CIDEB: variants seen among roughly 807,000 people sequenced by gnomAD.
The protein encoded by CIDEB is lipid transferase CIDEB.
A neutral mutation model predicts 22.4 loss-of-function variants in CIDEB; 27 were observed. That is an observed-to-expected ratio of 1.21 (90% CI 0.89 to 1.66). CIDEB has a LOEUF of 1.66. Among genes scored for constraint, CIDEB ranks in the 40% most tolerant of loss-of-function variants. The pLI is 0.00. For synonymous variants in CIDEB, 103 were observed against 109.5 expected (o/e 0.94, Z 0.37); for missense variants, 289 against 268.7 (o/e 1.08, Z -0.53).
chr14:24,307,957 A>C lies in CIDEB; in HGVS notation c.-99T>G. ...TTTTCTGTTACAAACCTGGGATCTC[A>C]GCCCAGGACAAGGTGGGAATGAGTC... On this transcript the variant is annotated 5_prime_UTR_variant, in exon 1 of 5. Coordinates refer to ENST00000554411, the MANE Select transcript of CIDEB (RefSeq NM_001393339.1). 12 of 1,124,764 alleles carry C rather than the reference A, an allele frequency of 1.1e-5. No homozygotes were observed. Among genetic ancestry groups the C allele is most frequent in the Admixed American group, 2.0e-5 (1 of 50,174 alleles). 69.7% of individuals were successfully genotyped at this position (1,124,764 alleles called of 1,614,324 possible). A position where few individuals can be genotyped will look rare whatever the true frequency, so the allele number is the denominator to read the frequency against.
At chr14:24,310,391 CTT>C, upstream of CIDEB, 1 of 626,572 alleles carries the variant, frequency 1.6e-6, no homozygotes, top group Admixed American at 2.7e-5. Context: ...GGGGTGATGA[CTT>C]TATGCCTGTT....
At chr14:24,307,197 G>A in intron 2 of CIDEB, 174 bp downstream of exon 2, 1 of 636,610 alleles carries the variant, frequency 1.6e-6, no homozygotes, top group Non-Finnish European at 2.6e-6. Context: ...AGCTCACTCG[G>A]TGGAAAATGA....
chr14:24,310,922 C>T (rs776124024), upstream of CIDEB: 3 of 1,589,852 alleles, frequency 1.9e-6, no homozygotes, highest in Non-Finnish European at 2.6e-6. Context: ...CCCGGCAGGC[C>T]TGGCCGCTGG....
upstream of CIDEB, chr14:24,311,065 G>A (rs1325407950): frequency 1.3e-6 from 2 of 1,564,220 alleles, no homozygotes; most frequent in Non-Finnish European, 1.7e-6. Context: ...CGGCTGCGCA[G>A]CCCGGCCCTG....
upstream of CIDEB, chr14:24,311,256 C>A (rs772363797): frequency 1.2e-6 from 2 of 1,605,258 alleles, no homozygotes; most frequent in Non-Finnish European, 1.7e-6. Context: ...CGGGCTGATG[C>A]TCGGCTGCTA....
At chr14:24,306,218 T>TC in intron 3 of CIDEB, 81 bp from the exon 4 acceptor site, 4 of 1,536,164 alleles carry the variant, frequency 2.6e-6, no homozygotes, top group Non-Finnish European at 3.6e-6. Context: ...GGTCAGACCC[T>TC]CCCTCGCTTG....
In CIDEB at chr14:24,305,643, T is replaced by C. The variant is rs369064116; in HGVS notation, c.650A>G (p.His217Arg). Reference protein sequence around the residue: ...AEQWQQKGRLHSY With the variant: ...AEQWQQKGRLRSY ...GAAGCTCAGAGCCCCTTAGTAGGAATGGAGGCGGCCCTTCTGCTGCCACTG... is the reference window on the plus strand; with the variant it reads ...GAAGCTCAGAGCCCCTTAGTAGGAACGGAGGCGGCCCTTCTGCTGCCACTG... Residue 217 changes from histidine (H) to arginine (R), a missense_variant, in exon 5 of 5, where the codon CAT becomes CGT. Physicochemically the swap from His to Arg is conservative, Grantham distance 29. Transcript: ENST00000554411. 36 of 1,613,060 alleles carry C rather than the reference T, an allele frequency of 2.2e-5. No homozygotes were observed. The African/African-American group carries it at 4.3e-4, about 19-fold the overall frequency.
chr14:24,306,636 T>C, intron 2 of CIDEB, 113 bp from the exon 3 acceptor site: 3 of 1,375,922 alleles, frequency 2.2e-6, no homozygotes, highest in Non-Finnish European at 3.0e-6. Flanking sequence ...CCACTTTGAC[T>C]TTCCGGCACT....
chr14:24,305,313 G>A lies in CIDEB; in HGVS notation c.*320C>T. On this transcript the variant is annotated 3_prime_UTR_variant, in exon 5 of 5. Coordinates refer to ENST00000554411, the MANE Select transcript of CIDEB (RefSeq NM_001393339.1). ...CAGTATGCTGGGGAGTTTAGGGACA[G>A]GAGGCATTGGTAGGGGATTAGATGT... The A allele has an allele frequency of 1.8e-6, 1 of 570,024 alleles. No individual in the cohort carries two copies. 35.3% of individuals were successfully genotyped at this position (570,024 alleles called of 1,614,324 possible). A position where few individuals can be genotyped will look rare whatever the true frequency, so the allele number is the denominator to read the frequency against.
upstream of CIDEB, chr14:24,310,720 C>A: frequency 6.2e-7 from 1 of 1,612,440 alleles, no homozygotes; most frequent in Non-Finnish European, 8.5e-7. Flanking sequence ...TGGAAGACTT[C>A]GCGGGCCACA....
At chr14:24,311,236 TGCTTCCTTTCGG>T (rs1392961933), upstream of CIDEB, 1 of 1,608,630 alleles carries the variant, frequency 6.2e-7, no homozygotes, top group Non-Finnish European at 8.5e-7. Context: ...ACCGCTTTCG[TGCTTCCTTTCGG>T]GCTGATGCTC....
At chr14:24,310,963 T>C (rs1290566175), upstream of CIDEB, 3 of 1,591,822 alleles carry the variant, frequency 1.9e-6, no homozygotes. Flanking sequence ...GTGTACTACG[T>C]GTGCGCGCTC....
upstream of CIDEB, chr14:24,309,316 C>T (rs1435215736): frequency 1.3e-5 from 2 of 152,128 alleles, no homozygotes; most frequent in East Asian, 1.9e-4. Context: ...ACAGGATCAC[C>T]TGTACCCAAG....
At chr14:24,311,308 C>T (rs1159303888), upstream of CIDEB, 3 of 1,593,768 alleles carry the variant, frequency 1.9e-6, no homozygotes, top group Admixed American at 1.7e-5. Context: ...CGCTGGGGCT[C>T]CGGGCGGCAC....
chr14:24,310,153 C>G (rs1392149072), upstream of CIDEB: 2 of 235,116 alleles, frequency 8.5e-6, no homozygotes, highest in East Asian at 2.4e-4. Context: ...CTTGTCTTAC[C>G]CTCTGCAAAT....
chr14:24,307,208 A>G, intron 2 of CIDEB, 163 bp downstream of exon 2: 1 of 690,188 alleles, frequency 1.4e-6, no homozygotes, highest in Non-Finnish European at 2.4e-6. Flanking sequence ...TGGAAAATGA[A>G]CAAATTGACC....
Position 24,307,947 on chromosome 14 carries a change from C to G in CIDEB, c.-89G>C. ...TTTAGTGGTGTTTTCTGTTACAAAC[C>G]TGGGATCTCAGCCCAGGACAAGGTG... On this transcript the variant is annotated 5_prime_UTR_variant, in exon 1 of 5. Transcript: ENST00000554411. The G allele has an allele frequency of 8.2e-7, 1 of 1,226,312 alleles. No homozygotes were observed. Among genetic ancestry groups the G allele is most frequent in the Non-Finnish European group, 1.2e-6 (1 of 851,262 alleles). The allele number at this position is 1,226,312 out of a possible 1,614,324, so 76.0% of individuals were successfully genotyped here. A position where few individuals can be genotyped will look rare whatever the true frequency, so the allele number is the denominator to read the frequency against.
Position 24,305,311 on chromosome 14 carries a change from C to A in CIDEB, c.*322G>T, listed in dbSNP as rs1222573028. ...ATCAGTATGCTGGGGAGTTTAGGGACAGGAGGCATTGGTAGGGGATTAGAT... is the reference window on the plus strand; with the variant it reads ...ATCAGTATGCTGGGGAGTTTAGGGAAAGGAGGCATTGGTAGGGGATTAGAT... On this transcript the variant is annotated 3_prime_UTR_variant, in exon 5 of 5. Coordinates refer to ENST00000554411, the MANE Select transcript of CIDEB (RefSeq NM_001393339.1). 1 of 571,704 alleles carries A rather than the reference C, an allele frequency of 1.7e-6. No individual in the cohort carries two copies. The highest frequency in any genetic ancestry group is 2.9e-6 in the Non-Finnish European group (1 of 348,238). 35.4% of individuals were successfully genotyped at this position (571,704 alleles called of 1,614,324 possible). A position where few individuals can be genotyped will look rare whatever the true frequency, so the allele number is the denominator to read the frequency against.
In CIDEB at chr14:24,306,139, T is replaced by C. The variant is rs200868524; in HGVS notation, c.337-2A>G. On this transcript the variant is annotated splice_acceptor_variant, in intron 3 of 4. Coordinates refer to ENST00000554411, the MANE Select transcript of CIDEB (RefSeq NM_001393339.1). LOFTEE classifies it high-confidence loss of function. ...CAGGCCATATGACAGCACTCCACTC[T>C]GTAGGACACCCTTGTCAGTGCAGTA... 63 of 1,612,872 alleles carry C rather than the reference T, an allele frequency of 3.9e-5. No individual in the cohort carries two copies. The highest frequency in any genetic ancestry group is 5.1e-5 in the Non-Finnish European group (60 of 1,179,400).
Sources: gnomAD v4.1 joint callset for allele counts on GRCh38, gnomAD v4.1.1 for gene constraint, MANE v1.5 for transcripts, NCBI Gene and HGNC (gene_info 2026-07-23, HGNC 2026-07-21) for gene names.